CTNNA3: variants seen among roughly 807,000 people sequenced by gnomAD.
The protein encoded by CTNNA3 is catenin alpha-3.
A neutral mutation model predicts 95.7 loss-of-function variants in CTNNA3; 76 were observed. That is an observed-to-expected ratio of 0.79 (90% CI 0.66 to 0.96). The LOEUF (loss-of-function observed/expected upper bound fraction) is 0.96. CTNNA3 is among the 40% of genes least tolerant of loss of function. The pLI is 0.00. For synonymous variants in CTNNA3, 431 were observed against 374.4 expected, an observed-to-expected ratio of 1.15 and a Z score of -1.74; for missense variants, 1,191 against 1,089.8, an observed-to-expected ratio of 1.09 and a Z score of -1.31.
intron 7 of CTNNA3, among the ~76,000 whole-genome samples, chr10:66,904,055 G>C (rs915804656): frequency 2.0e-5 from 3 of 152,100 alleles, no homozygotes; most frequent in Admixed American, 2.0e-4. Flanking sequence ...AACCAAAAAG[G>C]AGCCTGCATA....
chr10:67,579,577 G>T (rs1317519838), intron 3 of CTNNA3, among the ~76,000 whole-genome samples: 1 of 152,100 alleles, frequency 6.6e-6, no homozygotes, highest in Admixed American at 6.5e-5. Flanking sequence ...CCAGTAATGG[G>T]GTCACTGGGT....
At chr10:66,006,352 A>G (rs572771295) in intron 15 of CTNNA3, among the ~76,000 whole-genome samples, 39 of 151,938 alleles carry the variant, frequency 2.6e-4, no homozygotes, top group Admixed American at 2.0e-4. Context: ...TGGGAAAGTT[A>G]CCCCTGCAAT....
At chr10:67,399,483 T>C (rs894934613) in intron 5 of CTNNA3, among the ~76,000 whole-genome samples, 1 of 152,224 alleles carries the variant, frequency 6.6e-6, no homozygotes, top group African/African-American at 2.4e-5. Flanking sequence ...CAACACTCCA[T>C]GCTCTGTCCC....
chr10:67,069,237 C>G (rs1856284255), intron 7 of CTNNA3, among the ~76,000 whole-genome samples: 1 of 151,754 alleles, frequency 6.6e-6, no homozygotes, highest in African/African-American at 2.4e-5. Flanking sequence ...AAAGTATACC[C>G]TTTTTTAAAA....
intron 9 of CTNNA3, among the ~76,000 whole-genome samples, chr10:66,754,327 T>C (rs1303143558): frequency 6.6e-6 from 1 of 152,106 alleles, no homozygotes; most frequent in East Asian, 1.9e-4. Context: ...AAGAATGAAA[T>C]TGGACTCTTA....
At chr10:67,482,186 G>A (rs1451175156) in intron 5 of CTNNA3, among the ~76,000 whole-genome samples, 1 of 150,768 alleles carries the variant, frequency 6.6e-6, no homozygotes, top group African/African-American at 2.4e-5. Flanking sequence ...GTAGTGTGAT[G>A]CCTCCAGCTT....
intron 7 of CTNNA3, among the ~76,000 whole-genome samples, chr10:67,144,423 T>C (rs1860745929): frequency 6.6e-6 from 1 of 152,242 alleles, no homozygotes; most frequent in Non-Finnish European, 1.5e-5. Context: ...TCTCTAGTTA[T>C]GAAAGTCCTA....
chr10:66,554,313 G>A (rs889021144), intron 10 of CTNNA3, among the ~76,000 whole-genome samples: 17 of 151,996 alleles, frequency 1.1e-4, no homozygotes, highest in African/African-American at 4.1e-4. Context: ...CAGTATATCA[G>A]TGATATGTCA....
chr10:66,267,896 T>C (rs1202868485), intron 13 of CTNNA3, among the ~76,000 whole-genome samples: 2 of 152,166 alleles, frequency 1.3e-5, no homozygotes, highest in African/African-American at 4.8e-5. Context: ...TATGGCAATT[T>C]AATATTCTAT....
rs146419069 is a variant in CTNNA3, at chr10:66,992,034, A to G, written c.1047+188283T>C. Among the ~76,000 whole-genome samples, 183 of 152,180 alleles carry G rather than the reference A, an allele frequency of 1.2e-3. 2 individuals are homozygous for G. The highest frequency in any genetic ancestry group is 4.3e-3 in the African/African-American group (177 of 41,540). Reference sequence around the variant, plus strand: ...GTCACTCTGCAGCAAACATCCTTGTATGTCTCTTTGTGAACGTCAACAATT... The same window carrying G: ...GTCACTCTGCAGCAAACATCCTTGTGTGTCTCTTTGTGAACGTCAACAATT... On this transcript the variant is annotated intron_variant, in intron 7 of 17. Coordinates refer to ENST00000433211, the MANE Select transcript of CTNNA3 (RefSeq NM_013266.4).
At chr10:66,628,875 G>A (rs2132337550) in intron 9 of CTNNA3, among the ~76,000 whole-genome samples, 1 of 152,198 alleles carries the variant, frequency 6.6e-6, no homozygotes, top group East Asian at 1.9e-4. Context: ...AGTTAGATGT[G>A]TAGTTAAGAG....
rs759426077 is a variant in CTNNA3 at position 67,607,019 on chromosome 10, G to A, written c.130C>T (p.Pro44Ser). The A allele has an allele frequency of 1.6e-5, 26 of 1,613,812 alleles. No homozygotes were observed. The highest frequency in any genetic ancestry group is 2.2e-5 in the Non-Finnish European group (26 of 1,179,918). ...VTTLVNCPQNPSSRKKGRSKR... is the reference protein window; with the variant it reads ...VTTLVNCPQNSSSRKKGRSKR... ...GAACGTCCTTTTTTCCTGCTGGAAG[G>A]GTTCTGGGGACAGTTTACAAGTGTG... is the stretch of plus-strand genomic sequence containing the variant. The change falls in exon 3 of 18, where the codon CCT becomes TCT. Residue 44 changes from proline to serine, a missense_variant. Coordinates refer to ENST00000433211, the MANE Select transcript of CTNNA3 (RefSeq NM_013266.4).
chr10:67,492,583 A>G (rs12253240), intron 5 of CTNNA3, among the ~76,000 whole-genome samples: 10,966 of 152,250 alleles, frequency 0.072, 479 homozygotes, highest in South Asian at 0.14. Context: ...CAAATGTGCA[A>G]GATAATTTCC....
At chr10:66,185,160 A>G (rs1362310878) in intron 13 of CTNNA3, among the ~76,000 whole-genome samples, 5 of 152,202 alleles carry the variant, frequency 3.3e-5, no homozygotes, top group Non-Finnish European at 7.4e-5. Flanking sequence ...GTTAGAAACA[A>G]TGTACTAAAC....
At chr10:66,300,990 G>A (rs1479673848) in intron 12 of CTNNA3, among the ~76,000 whole-genome samples, 1 of 151,636 alleles carries the variant, frequency 6.6e-6, no homozygotes, top group Non-Finnish European at 1.5e-5. Context: ...AATGAAAAGG[G>A]ACTATGACAA....
intron 6 of CTNNA3, among the ~76,000 whole-genome samples, chr10:67,191,496 A>T (rs1466415750): frequency 1.3e-5 from 2 of 151,970 alleles, no homozygotes; most frequent in Non-Finnish European, 2.9e-5. Context: ...AATGCAATGT[A>T]TATTAGCATC....
chr10:67,174,649 GA>G (rs1019915635), intron 7 of CTNNA3, among the ~76,000 whole-genome samples: 6 of 150,746 alleles, frequency 4.0e-5, no homozygotes, highest in South Asian at 2.1e-4. Flanking sequence ...AGAAATCAGA[GA>G]AAAAAAAAGC....
At chr10:66,251,338 T>G (rs1466807718) in intron 13 of CTNNA3, among the ~76,000 whole-genome samples, 1 of 152,130 alleles carries the variant, frequency 6.6e-6, no homozygotes, top group African/African-American at 2.4e-5. Context: ...TACTTGACAA[T>G]GCCTCTCATA....
At chr10:66,750,521 T>G (rs1253595487) in intron 9 of CTNNA3, among the ~76,000 whole-genome samples, 1 of 152,226 alleles carries the variant, frequency 6.6e-6, no homozygotes, top group East Asian at 1.9e-4. Flanking sequence ...GTTGGTTGAC[T>G]GTCTTTATGT....
Sources: gnomAD v4.1 joint callset for allele counts (sites outside exome capture counted in the v4.1 genomes callset) on GRCh38, gnomAD v4.1.1 for gene constraint, MANE v1.5 for transcripts, NCBI Gene and HGNC (gene_info 2026-07-23, HGNC 2026-07-21) for gene names.